EIF2A: variants seen among roughly 807,000 people sequenced by gnomAD.
The protein encoded by EIF2A is eukaryotic translation initiation factor 2A.
Under a neutral mutation model 75.2 loss-of-function variants are expected in EIF2A, and 62 were observed. That is an observed-to-expected ratio of 0.82 (90% confidence interval 0.67 to 1.02). The LOEUF (loss-of-function observed/expected upper bound fraction) is 1.02, where lower values mean the gene tolerates loss of function less well. EIF2A is among the 50% of genes least tolerant of loss of function. The pLI is 0.00. For synonymous variants in EIF2A, 207 were observed against 239.0 expected (o/e 0.87, Z 1.23); for missense variants, 611 against 677.7 (o/e 0.90, Z 1.09).
chr3:150,577,658 C>G (rs1310400309), intron 11 of EIF2A, among the ~76,000 whole-genome samples: 3 of 151,816 alleles, frequency 2.0e-5, no homozygotes, highest in Non-Finnish European at 4.4e-5. Context: ...TGAGCTCAAG[C>G]AGTCTTTCCA....
At chr3:150,578,256 ATAAT>A (rs1222298214) in intron 11 of EIF2A, among the ~76,000 whole-genome samples, 9 of 149,842 alleles carry the variant, frequency 6.0e-5, no homozygotes, top group African/African-American at 1.2e-4. Context: ...TATTATATAA[ATAAT>A]TACTTACATA....
chr3:150,558,445 C>T lies in EIF2A; in HGVS notation c.156C>T (p.Ala52=), dbSNP rs778949826. 4.2e-5 allele frequency: 63 copies of T among 1,516,196 alleles called. No individual in the cohort carries two copies. The highest frequency in any genetic ancestry group is 5.3e-5 in the Non-Finnish European group (61 of 1,141,152). The allele number at this position is 1,516,196 out of a possible 1,614,324, so 93.9% of individuals were successfully genotyped here. ...CIFSKDGTLF[A]WGNGEKVNII... ...TTAGTAAGGATGGGACCTTGTTTGC[C>T]TGGGGCAATGGAGAAAAGTTAGTGT... is the stretch of plus-strand genomic sequence containing the variant. The change falls in exon 3 of 14, where the codon GCC becomes GCT. Residue 52 remains alanine (A), a synonymous_variant. Coordinates refer to ENST00000460851, the MANE Select transcript of EIF2A (RefSeq NM_032025.5).
intron 11 of EIF2A, among the ~76,000 whole-genome samples, chr3:150,580,879 T>C (rs926608756): frequency 1.7e-4 from 26 of 152,342 alleles, no homozygotes; most frequent in African/African-American, 5.8e-4. Flanking sequence ...AGAATGATTC[T>C]CGTTCTAGGC....
intron 11 of EIF2A, 83 bp from the exon 12 acceptor site, chr3:150,581,535 T>A: frequency 6.8e-7 from 1 of 1,464,400 alleles, no homozygotes; most frequent in Non-Finnish European, 9.2e-7. Context: ...AGTTTCTGTA[T>A]TTCATATGCC....
chr3:150,548,201 A>G (rs898368263), intron 1 of EIF2A, among the ~76,000 whole-genome samples: 2 of 152,162 alleles, frequency 1.3e-5, no homozygotes, highest in Admixed American at 1.3e-4. Flanking sequence ...CTGTTTCTTC[A>G]GTCTAGTACT....
intron 5 of EIF2A, 59 bp downstream of exon 5, chr3:150,563,673 A>T: frequency 8.3e-7 from 1 of 1,211,622 alleles, no homozygotes. Flanking sequence ...TCATCACTGT[A>T]TAATATTTGT....
Position 150,546,846 on chromosome 3 carries a change from G to A in EIF2A, c.28+16G>A, listed in dbSNP as rs1209323717. On this transcript the variant is annotated intron_variant, in intron 1 of 13. Coordinates refer to ENST00000460851, the MANE Select transcript of EIF2A (RefSeq NM_032025.5). ...CTCTTGACAGGTGAGTTCTGAAGAAGCGAGGGACTCTCTTTCTTCAGACTA... is the reference window on the plus strand; with the variant it reads ...CTCTTGACAGGTGAGTTCTGAAGAAACGAGGGACTCTCTTTCTTCAGACTA... 7 of 1,611,706 alleles carry A rather than the reference G, an allele frequency of 4.3e-6. No individual in the cohort carries two copies. The highest frequency in any genetic ancestry group is 5.9e-6 in the Non-Finnish European group (7 of 1,179,886).
In EIF2A at chr3:150,585,726, T is replaced by C. The variant is rs1725443268; in HGVS notation, c.*1815T>C. Among the ~76,000 whole-genome samples, 1 of 152,212 alleles carries C rather than the reference T, an allele frequency of 6.6e-6. No homozygotes were observed. Among genetic ancestry groups the C allele is most frequent in the Admixed American group, 6.5e-5 (1 of 15,284 alleles). On this transcript the variant is annotated 3_prime_UTR_variant, in exon 14 of 14. Transcript: ENST00000460851. ...TGACTGTGCCACCTTAAAACTCGTA[T>C]GTTGAAGCCCTAACCTCCAACGTGG...
At chr3:150,578,891 T>C (rs1414081067) in intron 11 of EIF2A, among the ~76,000 whole-genome samples, 1 of 152,158 alleles carries the variant, frequency 6.6e-6, no homozygotes, top group Non-Finnish European at 1.5e-5. Context: ...CTAACTAGTA[T>C]TTTTGTAAAC....
intron 2 of EIF2A, among the ~76,000 whole-genome samples, chr3:150,557,971 C>G (rs981879534): frequency 6.6e-6 from 1 of 152,206 alleles, no homozygotes; most frequent in African/African-American, 2.4e-5. Context: ...TTCATTATCA[C>G]TGGGTGATGT....
intron 1 of EIF2A, among the ~76,000 whole-genome samples, chr3:150,551,353 C>T (rs755539623): frequency 2.6e-5 from 4 of 151,992 alleles, no homozygotes; most frequent in Non-Finnish European, 5.9e-5. Flanking sequence ...GTAGTTTGTT[C>T]GTTTTTTTCC....
intron 2 of EIF2A, chr3:150,552,666 G>A (rs1040374624): frequency 1.4e-4 from 46 of 327,966 alleles, no homozygotes; most frequent in Admixed American, 6.6e-4. Flanking sequence ...AAAAAGTGTA[G>A]ACACTAGTGT....
chr3:150,579,300 AG>A (rs1725045333), intron 11 of EIF2A, among the ~76,000 whole-genome samples: 1 of 152,168 alleles, frequency 6.6e-6, no homozygotes, highest in African/African-American at 2.4e-5. Context: ...GCTCCTTAAG[AG>A]GAGAAACTTA....
intron 2 of EIF2A, chr3:150,557,547 C>G: frequency 1.7e-5 from 4 of 238,442 alleles, no homozygotes; most frequent in South Asian, 1.4e-4. Flanking sequence ...ACTACAGGCG[C>G]CACCACCACA....
intron 11 of EIF2A, among the ~76,000 whole-genome samples, chr3:150,580,481 A>G (rs1725121120): frequency 6.6e-6 from 1 of 152,208 alleles, no homozygotes; most frequent in African/African-American, 2.4e-5. Flanking sequence ...GTGAGATGGT[A>G]CAATGCTTGT....
At position 150,584,201 on chromosome 3, in the gene EIF2A, T is replaced by G. The variant is rs2107985233; in HGVS notation, c.*290T>G. 1 of 271,288 alleles carries G rather than the reference T, an allele frequency of 3.7e-6. No homozygotes were observed. Among genetic ancestry groups the G allele is most frequent in the South Asian group, 1.1e-4 (1 of 8,732 alleles). The allele number at this position is 271,288 out of a possible 1,614,324, so 16.8% of individuals were successfully genotyped here. On this transcript the variant is annotated 3_prime_UTR_variant, in exon 14 of 14. Transcript: ENST00000460851. ...AAGTGTCATTTTTTTTTGTAGAGGG[T>G]GATATATACCATGTAAATGAACAAA... is the stretch of plus-strand genomic sequence containing the variant.
At position 150,562,671 on chromosome 3, in the gene EIF2A, T is replaced by C; in HGVS notation, c.292+11T>C. 6 of 1,598,194 alleles carry C rather than the reference T, an allele frequency of 3.8e-6. No individual in the cohort carries two copies. The highest frequency in any genetic ancestry group is 5.1e-6 in the Non-Finnish European group (6 of 1,168,106). On this transcript the variant is annotated intron_variant, in intron 4 of 13. Coordinates refer to ENST00000460851, the MANE Select transcript of EIF2A (RefSeq NM_032025.5). Reference sequence around the variant, plus strand: ...GGCAGCCTTACACTAGTAAGTATTTTCTCAGTGTAAAAATACTCTGACACG... The same window carrying C: ...GGCAGCCTTACACTAGTAAGTATTTCCTCAGTGTAAAAATACTCTGACACG...
chr3:150,565,206 C>G (rs1446688392), intron 6 of EIF2A: 2 of 456,528 alleles, frequency 4.4e-6, no homozygotes, highest in Admixed American at 2.3e-5. Context: ...TCTAGAGTTT[C>G]AGCTTCAGGT....
chr3:150,557,681 G>C (rs1212548301), intron 2 of EIF2A: 4 of 389,320 alleles, frequency 1.0e-5, no homozygotes, highest in South Asian at 7.1e-5. Flanking sequence ...TTACAGGTGT[G>C]AGCCATTGCA....
Sources: allele counts gnomAD v4.1 joint callset (sites outside exome capture counted in the v4.1 genomes callset), GRCh38; gene constraint gnomAD v4.1.1; transcripts MANE v1.5; gene names NCBI Gene and HGNC (gene_info 2026-07-23, HGNC 2026-07-21).